Variants in VPS13A observed in about 807,000 individuals in gnomAD.
The protein encoded by VPS13A is vacuolar protein sorting 13 homolog A, also known as intermembrane lipid transfer protein VPS13A.
A neutral mutation model predicts 390.9 loss-of-function variants in VPS13A; 264 were observed. The ratio of observed to expected loss-of-function variants is 0.68; its 90% confidence interval spans 0.61 to 0.75. The LOEUF is 0.75. Ranked by LOEUF, VPS13A falls within the 30% of genes least tolerant of loss-of-function variation. The pLI is 0.00. For missense variants in VPS13A, 3,409 were observed against 3,733.9 expected (o/e 0.91, Z 2.27); for synonymous variants, 1,231 against 1,227.1 (o/e 1.00, Z -0.07).
Position 77,361,816 on chromosome 9 carries a change from A to G in VPS13A, c.8211+1175A>G, listed in dbSNP as rs557496263. 7.2e-5 allele frequency among the ~76,000 whole-genome samples: 11 copies of G among 152,188 alleles called. No individual in the cohort carries two copies. The South Asian group carries it at 1.2e-3, about 17-fold the overall frequency. The stretch of plus-strand genomic sequence containing the variant: ...CATATTATCCCCAACACTTGTTACT[A>G]TCTGTCTTTGATTCTAGCAATCATA... On this transcript the variant is annotated intron_variant, in intron 59 of 71. Coordinates refer to ENST00000360280, the MANE Select transcript of VPS13A (RefSeq NM_033305.3).
At chr9:77,260,724 ATAAATC>A (rs1000609625) in intron 23 of VPS13A, among the ~76,000 whole-genome samples, 1 of 152,090 alleles carries the variant, frequency 6.6e-6, no homozygotes, top group Admixed American at 6.5e-5. Context: ...ATATAAAATA[ATAAATC>A]TACTTTTCTA....
At chr9:77,228,299 A>G (rs1378119972) in intron 17 of VPS13A, 35 bp downstream of exon 17, 3 of 1,540,086 alleles carry the variant, frequency 1.9e-6, no homozygotes, top group Non-Finnish European at 2.6e-6. Flanking sequence ...ATCATATATG[A>G]AAAAACTTCA....
chr9:77,219,910 T>A, intron 10 of VPS13A, 44 bp from the exon 11 acceptor site: 1 of 1,600,598 alleles, frequency 6.2e-7, no homozygotes, highest in East Asian at 2.2e-5. Flanking sequence ...CTTGAGACTT[T>A]GGAAATATAA....
At chr9:77,231,053 T>C (rs1213663840) in intron 17 of VPS13A, among the ~76,000 whole-genome samples, 2 of 152,202 alleles carry the variant, frequency 1.3e-5, no homozygotes, top group Non-Finnish European at 2.9e-5. Context: ...TGTATAGAAA[T>C]ACAATTGAGT....
chr9:77,180,317 C>G (rs1406656081), intron 1 of VPS13A, among the ~76,000 whole-genome samples: 1 of 152,096 alleles, frequency 6.6e-6, no homozygotes, highest in Admixed American at 6.6e-5. Context: ...TGTTTGTTTT[C>G]TTATGGTTGA....
At chr9:77,394,498 C>T (rs1354752458) in intron 68 of VPS13A, among the ~76,000 whole-genome samples, 1 of 152,138 alleles carries the variant, frequency 6.6e-6, no homozygotes, top group Non-Finnish European at 1.5e-5. Flanking sequence ...GAACCCAGAA[C>T]TTCAAGTCCA....
intron 32 of VPS13A, among the ~76,000 whole-genome samples, chr9:77,294,839 A>G (rs1268708304): frequency 6.6e-6 from 1 of 152,092 alleles, no homozygotes; most frequent in East Asian, 1.9e-4. Flanking sequence ...AGTAGATTAA[A>G]TTAGTAGGGA....
At chr9:77,224,467 A>C (rs1312786930) in intron 13 of VPS13A, among the ~76,000 whole-genome samples, 2 of 152,226 alleles carry the variant, frequency 1.3e-5, no homozygotes, top group East Asian at 3.8e-4. Context: ...GAACATTGAC[A>C]GGTGTTTGGA....
At chr9:77,390,152 C>G (rs1188136171) in intron 68 of VPS13A, 1 of 980,236 alleles carries the variant, frequency 1.0e-6, no homozygotes, top group East Asian at 1.1e-4. Flanking sequence ...AGTAAGTGGA[C>G]AAGAACTAGG....
intron 54 of VPS13A, among the ~76,000 whole-genome samples, chr9:77,355,769 C>T (rs1043187442): frequency 7.9e-5 from 12 of 152,194 alleles, no homozygotes; most frequent in African/African-American, 2.7e-4. Context: ...CTTTATCTTA[C>T]ACCCCAGACC....
At chr9:77,344,515 T>A (rs1242321729) in intron 51 of VPS13A, among the ~76,000 whole-genome samples, 1 of 152,124 alleles carries the variant, frequency 6.6e-6, no homozygotes, top group East Asian at 1.9e-4. Context: ...ACCAGCACTT[T>A]GGGAGGCCGA....
intron 1 of VPS13A, among the ~76,000 whole-genome samples, chr9:77,182,603 A>G (rs1824088790): frequency 6.6e-6 from 1 of 152,344 alleles, no homozygotes; most frequent in Admixed American, 6.5e-5. Context: ...AATTTTAAAT[A>G]GACAAAAGCA....
Position 77,199,934 on chromosome 9 carries a change from A to G in VPS13A, c.101-11A>G, listed in dbSNP as rs1408896267. On this transcript the variant is annotated splice_polypyrimidine_tract_variant and intron_variant, in intron 1 of 71. Coordinates refer to ENST00000360280, the MANE Select transcript of VPS13A (RefSeq NM_033305.3). ...TTTGATTGTTTGAATCTTTTTTTTA[A>G]TCTTTTTTAGGAGCTGTGGCCCTCA... The G allele has an allele frequency of 1.3e-6, 2 of 1,596,832 alleles. No individual in the cohort carries two copies. The highest frequency in any genetic ancestry group is 1.1e-5 in the South Asian group (1 of 87,190).
intron 33 of VPS13A, among the ~76,000 whole-genome samples, chr9:77,300,337 T>C (rs1025451476): frequency 6.6e-6 from 1 of 152,232 alleles, no homozygotes; most frequent in Admixed American, 6.5e-5. Flanking sequence ...CTCATTTCTT[T>C]GGGATAATTC....
At position 77,238,305 on chromosome 9, in the gene VPS13A, C is replaced by T. The variant is rs1340669065; in HGVS notation, c.1819C>T (p.Pro607Ser). 1.9e-6 allele frequency: 3 copies of T among 1,613,822 alleles called. No homozygotes were observed. Among genetic ancestry groups the T allele is most frequent in the Non-Finnish European group, 2.5e-6 (3 of 1,179,956 alleles). ...GAATAGTATAGTGGAATTCTTCAGACCTCCAAAAGAGGTACATCTAGCACA... is the reference window on the plus strand; with the variant it reads ...GAATAGTATAGTGGAATTCTTCAGATCTCCAAAAGAGGTACATCTAGCACA... ...TVNSIVEFFRPPKEVHLAQLT... is the reference protein window; with the variant it reads ...TVNSIVEFFRSPKEVHLAQLT... Residue 607 changes from proline to serine, a missense_variant, in exon 19 of 72, where the codon CCT becomes TCT. Around this residue, in one of 5 missense-constraint regions of VPS13A, gnomAD observed 2,717 missense variants for 2,917.4 expected, o/e 0.93. Coordinates refer to ENST00000360280, the MANE Select transcript of VPS13A (RefSeq NM_033305.3).
intron 70 of VPS13A, among the ~76,000 whole-genome samples, chr9:77,406,237 C>CA (rs1647310105): frequency 6.6e-6 from 1 of 151,954 alleles, no homozygotes; most frequent in South Asian, 2.1e-4. Flanking sequence ...TATTCAGTAA[C>CA]AGAGCCCCAC....
chr9:77,291,947 C>T (rs972590556), intron 31 of VPS13A, among the ~76,000 whole-genome samples: 2 of 152,138 alleles, frequency 1.3e-5, no homozygotes, highest in African/African-American at 2.4e-5. Context: ...TCATCTGGCC[C>T]CAGGAGAGTT....
intron 1 of VPS13A, among the ~76,000 whole-genome samples, chr9:77,181,002 A>G (rs1339860494): frequency 6.6e-6 from 1 of 152,078 alleles, no homozygotes; most frequent in Non-Finnish European, 1.5e-5. Context: ...GTGAGCTCTG[A>G]TCATGCCACT....
chr9:77,340,355 A>G, intron 49 of VPS13A, 49 bp from the exon 50 acceptor site: 1 of 1,603,458 alleles, frequency 6.2e-7, no homozygotes, highest in Non-Finnish European at 8.5e-7. Flanking sequence ...TAAATTTTAT[A>G]AAGATGTTAT....
Sources: gnomAD v4.1 joint callset for allele counts (sites outside exome capture counted in the v4.1 genomes callset) on GRCh38, gnomAD v4.1.1 for gene constraint, gnomAD v4.1.1 regional missense constraint, MANE v1.5 for transcripts, NCBI Gene and HGNC (gene_info 2026-07-23, HGNC 2026-07-21) for gene names.